The following ARSB variants were observed in gnomAD, a reference collection of about 807,000 sequenced individuals.
ARSB encodes the protein N-acetylgalactosamine-4-sulfatase.
A neutral mutation model predicts 50.9 loss-of-function variants in ARSB; 41 were observed. That is an observed-to-expected ratio of 0.81 (90% CI 0.63 to 1.04). The LOEUF (loss-of-function observed/expected upper bound fraction) is 1.04. ARSB is among the 50% of genes least tolerant of loss of function. The pLI is 0.00. For missense variants in ARSB, 672 were observed against 693.3 expected (o/e 0.97, Z 0.35); for synonymous variants, 269 against 284.8 (o/e 0.94, Z 0.56).
At chr5:78,828,256 T>C (rs1433823174) in intron 6 of ARSB, among the ~76,000 whole-genome samples, 1 of 148,956 alleles carries the variant, frequency 6.7e-6, no homozygotes, top group Non-Finnish European at 1.5e-5. Flanking sequence ...AGCTTTTCTG[T>C]ATTTTTAAAA....
intron 6 of ARSB, among the ~76,000 whole-genome samples, chr5:78,788,230 G>A (rs910352696): frequency 6.6e-6 from 1 of 152,232 alleles, no homozygotes; most frequent in Admixed American, 6.5e-5. Context: ...TCAGCTATAA[G>A]ATGGATTAGC....
intron 4 of ARSB, among the ~76,000 whole-genome samples, chr5:78,891,090 G>A (rs1289798568): frequency 1.3e-5 from 2 of 152,120 alleles, no homozygotes; most frequent in Admixed American, 1.3e-4. Flanking sequence ...CCTAGCACAG[G>A]ACCTACCACA....
intron 4 of ARSB, among the ~76,000 whole-genome samples, chr5:78,946,672 A>G (rs368251514): frequency 6.6e-6 from 1 of 152,222 alleles, no homozygotes; most frequent in African/African-American, 2.4e-5. Context: ...CATGATTGGA[A>G]CAATCAATAT....
chr5:78,785,376 G>T (rs1749049426), intron 6 of ARSB, among the ~76,000 whole-genome samples: 1 of 152,140 alleles, frequency 6.6e-6, no homozygotes, highest in African/African-American at 2.4e-5. Context: ...GGTCAAGTTT[G>T]TTAACTATGG....
chr5:78,821,094 G>A (rs1744201565), intron 6 of ARSB, among the ~76,000 whole-genome samples: 1 of 152,172 alleles, frequency 6.6e-6, no homozygotes, highest in Non-Finnish European at 1.5e-5. Context: ...CCTCTGTGGA[G>A]GGGGACAGGG....
At chr5:78,856,772 T>C (rs1018238125) in intron 5 of ARSB, among the ~76,000 whole-genome samples, 4 of 152,214 alleles carry the variant, frequency 2.6e-5, no homozygotes, top group Non-Finnish European at 1.5e-5. Flanking sequence ...ATGCTACAAA[T>C]ACTATAGTAT....
rs1005738755 is a variant in ARSB, at chr5:78,979,018, A to G, written c.312+5919T>C. ...GTAACTTTTGTTTACATCAAAGGAC[A>G]CTATCAGGAAAGTAAAAAGCAATCC... On this transcript the variant is annotated intron_variant, in intron 1 of 7. Transcript: ENST00000264914. Among the ~76,000 whole-genome samples, 9 of 152,374 alleles carry G rather than the reference A, an allele frequency of 5.9e-5. No homozygotes were observed. The East Asian group carries it at 1.7e-3, about 29-fold the overall frequency.
At chr5:78,793,349 T>C (rs1743050350) in intron 6 of ARSB, among the ~76,000 whole-genome samples, 1 of 152,234 alleles carries the variant, frequency 6.6e-6, no homozygotes, top group South Asian at 2.1e-4. Context: ...CTCCCACTCC[T>C]TAGAAGACAA....
intron 4 of ARSB, among the ~76,000 whole-genome samples, chr5:78,944,020 C>T (rs1009780877): frequency 6.6e-6 from 1 of 152,206 alleles, no homozygotes; most frequent in Non-Finnish European, 1.5e-5. Flanking sequence ...CACTTCATTA[C>T]ATTCATTTGA....
chr5:78,865,059 T>A (rs1003225744), intron 5 of ARSB, among the ~76,000 whole-genome samples: 11 of 152,124 alleles, frequency 7.2e-5, no homozygotes, highest in African/African-American at 1.9e-4. Flanking sequence ...CTGTCGTGGG[T>A]CTATCATTCT....
intron 5 of ARSB, among the ~76,000 whole-genome samples, chr5:78,868,475 C>T (rs1392287085): frequency 1.7e-5 from 2 of 121,082 alleles, no homozygotes; most frequent in East Asian, 4.0e-4. Context: ...TGGCAGAAAC[C>T]CTACAAGCCA....
chr5:78,913,564 T>C (rs1441799262), intron 4 of ARSB, among the ~76,000 whole-genome samples: 1 of 152,222 alleles, frequency 6.6e-6, no homozygotes, highest in African/African-American at 2.4e-5. Context: ...CATGCTATAA[T>C]TAAACACAAA....
At chr5:78,852,629 C>T (rs1337529065) in intron 5 of ARSB, among the ~76,000 whole-genome samples, 4 of 152,148 alleles carry the variant, frequency 2.6e-5, no homozygotes, top group Non-Finnish European at 5.9e-5. Context: ...GGAAGTTCTC[C>T]TGGATAATAT....
rs1748882179 is a variant in ARSB at position 78,780,168 on chromosome 5, AC to A, written c.*228del. The A allele has an allele frequency of 1.8e-6, 1 of 566,806 alleles. No individual in the cohort carries two copies. Among genetic ancestry groups the A allele is most frequent in the African/African-American group, 1.9e-5 (1 of 53,000 alleles). The allele number at this position is 566,806 out of a possible 1,614,324, so 35.1% of individuals were successfully genotyped here. On this transcript the variant is annotated 3_prime_UTR_variant, in exon 8 of 8. Transcript: ENST00000264914. The stretch of plus-strand genomic sequence containing the variant: ...CCCAAGGCTTAGGAAAGGGGGATAA[AC>A]CCAGCCACCCCCACCTCTAGACACA...
intron 6 of ARSB, among the ~76,000 whole-genome samples, chr5:78,809,406 T>C (rs1228137931): frequency 1.3e-5 from 2 of 152,262 alleles, no homozygotes; most frequent in East Asian, 3.8e-4. Context: ...GTAGGTGTCT[T>C]GTGACAGAGC....
At chr5:78,868,063 C>T (rs1746896562) in intron 5 of ARSB, among the ~76,000 whole-genome samples, 1 of 139,568 alleles carries the variant, frequency 7.2e-6, no homozygotes, top group Non-Finnish European at 1.5e-5. Flanking sequence ...AGGGTATCAG[C>T]AATGGAAGAT....
At chr5:78,905,344 G>T (rs535064946) in intron 4 of ARSB, among the ~76,000 whole-genome samples, 62 of 130,468 alleles carry the variant, frequency 4.8e-4, no homozygotes, top group East Asian at 1.5e-3. Context: ...GTATTTTCCT[G>T]TTTTTTTTTT....
At chr5:78,800,763 T>C (rs1266846707) in intron 6 of ARSB, among the ~76,000 whole-genome samples, 1 of 152,172 alleles carries the variant, frequency 6.6e-6, no homozygotes, top group Non-Finnish European at 1.5e-5. Context: ...ACAAGTTAAT[T>C]TAAGCATTAA....
intron 6 of ARSB, among the ~76,000 whole-genome samples, chr5:78,784,798 CTTTTTT>C (rs370754347): frequency 8.0e-6 from 1 of 124,864 alleles, no homozygotes; most frequent in African/African-American, 3.0e-5. Flanking sequence ...TTTTATTAGT[CTTTTTT>C]TTTTTTTTTT....
Sources: allele counts gnomAD v4.1 joint callset (sites outside exome capture counted in the v4.1 genomes callset), GRCh38; gene constraint gnomAD v4.1.1; transcripts MANE v1.5; gene names NCBI Gene and HGNC (gene_info 2026-07-23, HGNC 2026-07-21).